Variants in TNKS1BP1 observed in about 807,000 individuals in gnomAD.
TNKS1BP1 encodes the protein 182 kDa tankyrase-1-binding protein.
A neutral mutation model predicts 141.1 loss-of-function variants in TNKS1BP1; 48 were observed. The observed-to-expected ratio is 0.34, with a 90% CI of 0.27 to 0.43. The LOEUF is 0.43. TNKS1BP1 is among the 20% of genes least tolerant of loss of function. The probability of loss-of-function intolerance (pLI) is 1.00; values close to 1 mark genes in which losing one functional copy is unlikely to be tolerated. For synonymous variants in TNKS1BP1, 875 were observed against 898.2 expected (o/e 0.97, Z 0.46); for missense variants, 2,149 against 2,226.0 (o/e 0.97, Z 0.70).
intron 6 of TNKS1BP1, 31 bp downstream of exon 6, chr11:57,308,364 C>T (rs751538118): frequency 1.3e-6 from 2 of 1,586,164 alleles, no homozygotes; most frequent in Non-Finnish European, 1.7e-6. Flanking sequence ...CATGTTCCCT[C>T]CCACACTTGG....
At chr11:57,319,928 C>A in intron 3 of TNKS1BP1, 151 bp downstream of exon 3, 1 of 876,878 alleles carries the variant, frequency 1.1e-6, no homozygotes, top group South Asian at 1.7e-5. Flanking sequence ...TGACCTAGAT[C>A]GGGATCTGCC....
intron 3 of TNKS1BP1, 43 bp downstream of exon 3, chr11:57,320,036 G>GGCCA: frequency 9.6e-7 from 1 of 1,038,310 alleles, no homozygotes; most frequent in Non-Finnish European, 1.4e-6. Context: ...CACCCCACCT[G>GGCCA]ACCTCCAGGC....
intron 5 of TNKS1BP1, chr11:57,311,471 T>C (rs1855710665): frequency 3.0e-6 from 3 of 985,816 alleles, no homozygotes; most frequent in Non-Finnish European, 3.6e-6. Context: ...GCTCTGGCGC[T>C]GGCTCTCCCT....
chr11:57,320,034 CTG>C, intron 3 of TNKS1BP1, 43 bp downstream of exon 3: 1 of 1,578,394 alleles, frequency 6.3e-7, no homozygotes, highest in Non-Finnish European at 8.6e-7. Context: ...CCCACCCCAC[CTG>C]ACCTCCAGGC....
At position 57,308,798 on chromosome 11, in the gene TNKS1BP1, C is replaced by G. The variant is rs146396862; in HGVS notation, c.3913G>C (p.Gly1305Arg). ...VCSPGESKEL[G>R]VGQMDWGNNL... ...TTACCCCAGTCCATCTGGCCCACCCCAAGCTCTTTGGACTCTCCAGGACTG... is the reference window on the plus strand; with the variant it reads ...TTACCCCAGTCCATCTGGCCCACCCGAAGCTCTTTGGACTCTCCAGGACTG... The change falls in exon 6 of 12, where the codon GGG becomes CGG. Residue 1305 changes from glycine (G) to arginine (R), a missense_variant. By Grantham distance (125) the Gly-to-Arg change is moderately radical. Coordinates refer to ENST00000358252, the MANE Select transcript of TNKS1BP1 (RefSeq NM_033396.3). 12 of 1,614,158 alleles carry G rather than the reference C, an allele frequency of 7.4e-6. No individual in the cohort carries two copies. The highest frequency in any genetic ancestry group is 1.6e-4 in the Middle Eastern group (1 of 6,062).
At chr11:57,321,735 C>T in intron 2 of TNKS1BP1, 57 bp downstream of exon 2, 2 of 1,434,976 alleles carry the variant, frequency 1.4e-6, no homozygotes, top group Admixed American at 1.8e-5. Flanking sequence ...AGGGGGCAGC[C>T]TCTGTCCTTC....
At position 57,302,758 on chromosome 11, in the gene TNKS1BP1, C is replaced by T; in HGVS notation, c.4384G>A (p.Ala1462Thr). 2 of 1,573,452 alleles carry T rather than the reference C, an allele frequency of 1.3e-6. No homozygotes were observed. The highest frequency in any genetic ancestry group is 1.7e-6 in the Non-Finnish European group (2 of 1,164,126). The change falls in exon 7 of 12, where the codon GCC becomes ACC. Residue 1462 changes from alanine to threonine, a missense_variant. Transcript: ENST00000358252. This position sits in a 1 kb window ranked among gnomAD's most constrained non-coding sequence, Gnocchi z 5.5. ...SQGLLEEMLAASSSKAVARRE... is the reference protein window; with the variant it reads ...SQGLLEEMLATSSSKAVARRE... ...CGAGCCACCGCCTTGGAGCTGCTGG[C>T]TGCCAGCATCTCCTCCAGCAGGCCC...
chr11:57,309,797 C>A lies in TNKS1BP1; in HGVS notation c.2914G>T (p.Ala972Ser). Residue 972 changes from alanine (A) to serine (S), a missense_variant, in exon 6 of 12, where the codon GCC (alanine) becomes TCC (serine). Physicochemically the swap from Ala to Ser is moderately conservative, Grantham distance 99. Transcript: ENST00000358252. The surrounding 1 kb of genome is among the most constrained non-coding windows in gnomAD (Gnocchi z 4.3). ...SSGGSSRTLDAQDRSFGTRPL... is the reference protein window; with the variant it reads ...SSGGSSRTLDSQDRSFGTRPL... Reference sequence around the variant, plus strand: ...CTCGTTCCAAAGCTTCTGTCCTGGGCGTCAAGGGTCCTGGAGCTGCCACCA... The same window carrying A: ...CTCGTTCCAAAGCTTCTGTCCTGGGAGTCAAGGGTCCTGGAGCTGCCACCA... 6.2e-7 allele frequency: 1 copy of A among 1,614,168 alleles called. No individual in the cohort carries two copies.
At chr11:57,320,976 A>G (rs976532699) in intron 2 of TNKS1BP1, among the ~76,000 whole-genome samples, 2 of 152,204 alleles carry the variant, frequency 1.3e-5, no homozygotes, top group African/African-American at 4.8e-5. Flanking sequence ...CCCACCTGGC[A>G]CCTTACTTCT....
intron 1 of TNKS1BP1, 111 bp from the exon 2 acceptor site, chr11:57,322,061 G>T: frequency 3.1e-5 from 12 of 381,242 alleles, no homozygotes; most frequent in Non-Finnish European, 3.8e-5. Flanking sequence ...CAGGAAGAGA[G>T]AACTTGGAGT....
In TNKS1BP1 at chr11:57,313,440, T is replaced by C. The variant is rs35721601; in HGVS notation, c.1248A>G (p.Ala416=). ...SGGEEEAKGD[A]HLRPTSLVQR... ...GAACCAGGCTGGTGGGGCGGAGGTGTGCGTCACCCTTGGCCTCCTCCTCCC... is the reference window on the plus strand; with the variant it reads ...GAACCAGGCTGGTGGGGCGGAGGTGCGCGTCACCCTTGGCCTCCTCCTCCC... The change falls in exon 5 of 12, where the codon GCA becomes GCG. Residue 416 remains alanine (A), a synonymous_variant. Transcript: ENST00000358252. The C allele has an allele frequency of 0.043, 69,448 of 1,606,192 alleles. 1,824 individuals carry two copies. The highest frequency in any genetic ancestry group is 0.047 in the South Asian group (4,258 of 90,256).
Position 57,301,955 on chromosome 11 carries a change from C to G in TNKS1BP1, c.4835-12G>C. On this transcript the variant is annotated splice_polypyrimidine_tract_variant and intron_variant, in intron 8 of 11. Transcript: ENST00000358252. ...AGATGCCCGTGGCTCTGCAAAGGCC[C>G]GGGAAAGGGGCTCAGAAAAGGCAGC... 10 of 1,612,384 alleles carry G rather than the reference C, an allele frequency of 6.2e-6. No individual in the cohort carries two copies. Among genetic ancestry groups the G allele is most frequent in the Non-Finnish European group, 7.6e-6 (9 of 1,178,820 alleles).
At chr11:57,322,802 G>C (rs1040919084) in intron 1 of TNKS1BP1, among the ~76,000 whole-genome samples, 12 of 152,298 alleles carry the variant, frequency 7.9e-5, no homozygotes, top group African/African-American at 2.4e-4. Context: ...CACCTTCCAC[G>C]ACAGTCAGGG....
At chr11:57,303,655 C>T (rs1051701170) in intron 6 of TNKS1BP1, among the ~76,000 whole-genome samples, 2 of 152,332 alleles carry the variant, frequency 1.3e-5, no homozygotes, top group East Asian at 1.9e-4. Flanking sequence ...AGCCTGGCTA[C>T]GCGCCGGACT....
chr11:57,314,018 G>A, intron 4 of TNKS1BP1, 129 bp from the exon 5 acceptor site: 1 of 1,100,920 alleles, frequency 9.1e-7, no homozygotes, highest in Non-Finnish European at 1.2e-6. Flanking sequence ...AACCCGAGGG[G>A]GTCCTCTTGG....
chr11:57,321,998 A>G, intron 1 of TNKS1BP1, 48 bp from the exon 2 acceptor site: 1 of 1,350,520 alleles, frequency 7.4e-7, no homozygotes, highest in Non-Finnish European at 9.7e-7. Flanking sequence ...GGGCGTTGCC[A>G]GTAGGTTTAG....
In TNKS1BP1 at chr11:57,310,367, C is replaced by G; in HGVS notation, c.2344G>C (p.Ala782Pro). Residue 782 changes from alanine to proline, a missense_variant, in exon 6 of 12, where the codon GCA (alanine) becomes CCA (proline). By Grantham distance (27) the Ala-to-Pro change is conservative. Transcript: ENST00000358252. ...CACTCCCTGGTGCTCCCTTCCCCTG[C>G]TCCTTGCCCATACTTGCTGGTCCAG... ...RDWTSKYGQG[A>P]GEGSTREWAS... The G allele has an allele frequency of 6.2e-7, 1 of 1,614,126 alleles. No homozygotes were observed. Among genetic ancestry groups the G allele is most frequent in the Non-Finnish European group, 8.5e-7 (1 of 1,180,040 alleles).
intron 6 of TNKS1BP1, among the ~76,000 whole-genome samples, chr11:57,306,914 G>T (rs1565039378): frequency 3.5e-5 from 3 of 86,588 alleles, no homozygotes; most frequent in Non-Finnish European, 7.6e-5. Flanking sequence ...GGGGGGGGGG[G>T]TTGGGTGGGA....
rs1855861652 is a variant in TNKS1BP1 at position 57,320,183 on chromosome 11, G to A, written c.624C>T (p.Pro208=). Residue 208 remains proline (P), a synonymous_variant, in exon 3 of 12, where the codon CCC becomes CCT. Coordinates refer to ENST00000358252, the MANE Select transcript of TNKS1BP1 (RefSeq NM_033396.3). ...GPRTYGTTTA[P]RDEDGSTLFR... ...AGAGGGTGCTGCCATCCTCATCCCT[G>A]GGAGCAGTGGTCGTGCCATAGGTCC... 1.9e-6 allele frequency: 3 copies of A among 1,614,060 alleles called. No homozygotes were observed. Among genetic ancestry groups the A allele is most frequent in the African/African-American group, 1.3e-5 (1 of 74,920 alleles).
Sources: gnomAD v4.1 joint callset for allele counts (sites outside exome capture counted in the v4.1 genomes callset) on GRCh38, gnomAD v4.1.1 for gene constraint, Gnocchi (gnomAD v3.1) non-coding constraint, MANE v1.5 for transcripts, NCBI Gene and HGNC (gene_info 2026-07-23, HGNC 2026-07-21) for gene names.